Variants in DSCC1 observed in about 807,000 individuals in gnomAD.
The protein encoded by DSCC1 is DNA replication and sister chromatid cohesion 1, also known as sister chromatid cohesion protein DCC1.
In DSCC1, 32 loss-of-function variants were observed where a neutral mutation model predicts 48.2. The observed-to-expected ratio is 0.66, with a 90% CI of 0.50 to 0.89. The LOEUF is 0.89. Ranked by LOEUF, DSCC1 falls within the 40% of genes least tolerant of loss-of-function variation. The pLI is 0.00. For synonymous variants in DSCC1, 150 were observed against 171.5 expected (o/e 0.87, Z 0.98); for missense variants, 421 against 471.7 (o/e 0.89, Z 1.00).
At chr8:119,845,051 TTTTA>T (rs67730947) in intron 4 of DSCC1, among the ~76,000 whole-genome samples, 55,831 of 137,894 alleles carry the variant, frequency 0.4, 11,895 homozygotes, top group East Asian at 0.75. Context: ...TGACATGCCA[TTTTA>T]TTTATTTATT....
chr8:119,845,810 G>T (rs890626206), intron 4 of DSCC1, among the ~76,000 whole-genome samples: 3 of 152,024 alleles, frequency 2.0e-5, no homozygotes, highest in Non-Finnish European at 2.9e-5. Context: ...TTAGCTGGAC[G>T]TGGTGGCGCA....
At chr8:119,848,193 A>G (rs1960438) in intron 3 of DSCC1, among the ~76,000 whole-genome samples, 110,683 of 151,960 alleles carry the variant, frequency 0.73, 41,563 homozygotes, top group African/African-American at 0.91. Context: ...AAACTCCTGG[A>G]CTGAAGCAAT....
intron 7 of DSCC1, among the ~76,000 whole-genome samples, 166 bp from the exon 8 acceptor site, chr8:119,838,573 C>T (rs1826720405): frequency 6.6e-6 from 1 of 152,126 alleles, no homozygotes; most frequent in Non-Finnish European, 1.5e-5. Context: ...ATACAAAGAG[C>T]TCCTTTAAGC....
At chr8:119,855,586 C>A in intron 1 of DSCC1, 28 bp downstream of exon 1, 1 of 1,529,256 alleles carries the variant, frequency 6.5e-7, no homozygotes, top group African/African-American at 1.4e-5. Flanking sequence ...CGGCCAGAGG[C>A]TGGGGGCGCC....
chr8:119,852,880 C>G, intron 2 of DSCC1, 167 bp downstream of exon 2: 1 of 550,262 alleles, frequency 1.8e-6, no homozygotes, highest in Non-Finnish European at 2.8e-6. Flanking sequence ...CTCCAACAAA[C>G]AAGCAATAAT....
At position 119,847,042 on chromosome 8, in the gene DSCC1, A is replaced by G. The variant is rs932675667; in HGVS notation, c.525T>C (p.Ser175=). The change falls in exon 4 of 9, where the codon AGT becomes AGC. Residue 175 remains serine, a synonymous_variant. Transcript: ENST00000313655. ...GTAATTGGGTCATTATTTCTTCCTC[A>G]CTTGCCTGAATTTGATCAAGCAAAT... The part of the protein sequence containing the change: ...TEDLLDQIQA[S]EEEIMTQLQV... 6.2e-7 allele frequency: 1 copy of G among 1,613,658 alleles called. No homozygotes were observed. Among genetic ancestry groups the G allele is most frequent in the Non-Finnish European group, 8.5e-7 (1 of 1,180,024 alleles).
intron 7 of DSCC1, among the ~76,000 whole-genome samples, chr8:119,840,541 G>A (rs755427933): frequency 2.0e-5 from 3 of 152,350 alleles, no homozygotes; most frequent in African/African-American, 7.2e-5. Flanking sequence ...ATGAAGCTAT[G>A]AAGGTGATCC....
At chr8:119,851,261 C>T (rs549121162) in intron 2 of DSCC1, among the ~76,000 whole-genome samples, 1 of 152,304 alleles carries the variant, frequency 6.6e-6, no homozygotes, top group South Asian at 2.1e-4. Flanking sequence ...ACAGGGGATG[C>T]TTCTACTTTC....
Position 119,843,490 on chromosome 8 carries a change from T to C in DSCC1, c.716+119A>G, listed in dbSNP as rs140219672. On this transcript the variant is annotated intron_variant, in intron 5 of 8. Coordinates refer to ENST00000313655, the MANE Select transcript of DSCC1 (RefSeq NM_024094.3). Reference sequence around the variant, plus strand: ...TCTTCTTCGGTTGTAATTGTAAACATTTCTCAAAGATATCAAAATACAATG... The same window carrying C: ...TCTTCTTCGGTTGTAATTGTAAACACTTCTCAAAGATATCAAAATACAATG... 5.1e-6 allele frequency: 7 copies of C among 1,377,216 alleles called. No individual in the cohort carries two copies. The East Asian group carries it at 1.4e-4, about 28-fold the overall frequency. 85.3% of individuals were successfully genotyped at this position (1,377,216 alleles called of 1,614,324 possible).
Position 119,855,603 on chromosome 8 carries a change from C to G in DSCC1, c.182+11G>C. The G allele has an allele frequency of 6.5e-7, 1 of 1,537,280 alleles. No homozygotes were observed. Among genetic ancestry groups the G allele is most frequent in the Non-Finnish European group, 8.7e-7 (1 of 1,143,544 alleles). ...GCCAGAGGCTGGGGGCGCCGCGTGA[C>G]CAGGGCTCACCTGTGTCCATCCTCC... is the stretch of plus-strand genomic sequence containing the variant. On this transcript the variant is annotated intron_variant, in intron 1 of 8. Coordinates refer to ENST00000313655, the MANE Select transcript of DSCC1 (RefSeq NM_024094.3).
chr8:119,854,995 G>T (rs1826995272), intron 1 of DSCC1, among the ~76,000 whole-genome samples: 1 of 152,152 alleles, frequency 6.6e-6, no homozygotes, highest in Non-Finnish European at 1.5e-5. Context: ...GCAGGAGCTG[G>T]GGCTGCACAG....
In DSCC1 at chr8:119,850,297, A is replaced by C. The variant is rs1004712643; in HGVS notation, c.486+85T>G. 2.9e-6 allele frequency: 4 copies of C among 1,377,166 alleles called. No individual in the cohort carries two copies. In the African/African-American group the frequency reaches 6.0e-5, roughly 21 times the overall value. 85.3% of individuals were successfully genotyped at this position (1,377,166 alleles called of 1,614,324 possible). A position where few individuals can be genotyped will look rare whatever the true frequency, so the allele number is the denominator to read the frequency against. ...GCATTTATAACAGCTATATAACATA[A>C]ATTTTAAAAAGTAAGAATGTGACTA... On this transcript the variant is annotated intron_variant, in intron 3 of 8. Coordinates refer to ENST00000313655, the MANE Select transcript of DSCC1 (RefSeq NM_024094.3).
intron 5 of DSCC1, among the ~76,000 whole-genome samples, chr8:119,843,171 C>T (rs1293315324): frequency 6.7e-6 from 1 of 150,020 alleles, no homozygotes; most frequent in Non-Finnish European, 1.5e-5. Flanking sequence ...TCACTGCAAC[C>T]TCCACTTCCG....
intron 4 of DSCC1, among the ~76,000 whole-genome samples, chr8:119,844,349 G>C (rs1388930885): frequency 6.7e-6 from 1 of 148,348 alleles, no homozygotes; most frequent in Non-Finnish European, 1.5e-5. Flanking sequence ...TGAGGCATGA[G>C]AATTGCTTGA....
intron 1 of DSCC1, among the ~76,000 whole-genome samples, 160 bp downstream of exon 1, chr8:119,855,454 G>C (rs951310549): frequency 6.6e-6 from 1 of 152,232 alleles, no homozygotes; most frequent in African/African-American, 2.4e-5. Context: ...TAACTGGACG[G>C]CCCACCGGAG....
chr8:119,846,136 C>T (rs1487791431), intron 4 of DSCC1, among the ~76,000 whole-genome samples: 19 of 95,680 alleles, frequency 2.0e-4, no homozygotes, highest in Non-Finnish European at 3.3e-4. Context: ...TTTTTTTTGA[C>T]GGAGTTTTGC....
intron 8 of DSCC1, 82 bp downstream of exon 8, chr8:119,838,177 G>T: frequency 1.4e-6 from 2 of 1,418,200 alleles, no homozygotes; most frequent in South Asian, 1.6e-5. Flanking sequence ...AGAAAATTGT[G>T]TTCCAATCAT....
intron 3 of DSCC1, 89 bp from the exon 4 acceptor site, chr8:119,847,169 C>G: frequency 1.9e-6 from 2 of 1,070,444 alleles, no homozygotes; most frequent in Non-Finnish European, 2.7e-6. Context: ...ATACATAGAA[C>G]AGATTAAGGC....
In DSCC1 at chr8:119,834,812, A is replaced by G; in HGVS notation, c.*81T>C. 2 of 962,734 alleles carry G rather than the reference A, an allele frequency of 2.1e-6. No homozygotes were observed. Among genetic ancestry groups the G allele is most frequent in the Non-Finnish European group, 3.2e-6 (2 of 617,830 alleles). 59.6% of individuals were successfully genotyped at this position (962,734 alleles called of 1,614,324 possible). On this transcript the variant is annotated 3_prime_UTR_variant, in exon 9 of 9. Coordinates refer to ENST00000313655, the MANE Select transcript of DSCC1 (RefSeq NM_024094.3). ...AGAAGACTAGGTTTCTAAAAGTCAG[A>G]AATAAAAGTACAAGTTATTTTTCTT...
Sources: allele counts gnomAD v4.1 joint callset (sites outside exome capture counted in the v4.1 genomes callset), GRCh38; gene constraint gnomAD v4.1.1; transcripts MANE v1.5; gene names NCBI Gene and HGNC (gene_info 2026-07-23, HGNC 2026-07-21).